PIEZO1: variants seen among roughly 807,000 people sequenced by gnomAD.
The protein encoded by PIEZO1 is piezo type mechanosensitive ion channel component 1 (Er blood group).
Under a neutral mutation model 297.2 loss-of-function variants are expected in PIEZO1, and 296 were observed. The observed-to-expected ratio is 1.00, with a 90% CI of 0.91 to 1.10. The LOEUF is 1.10. PIEZO1 is among the 50% of genes least tolerant of loss of function. The probability of loss-of-function intolerance (pLI) is 0.00; values close to 1 mark genes in which losing one functional copy is unlikely to be tolerated. For synonymous variants in PIEZO1, 2,427 were observed against 1,507.5 expected (o/e 1.61, Z -14.13); for missense variants, 5,018 against 3,455.5 (o/e 1.45, Z -11.34).
In PIEZO1 at chr16:88,726,310, G is replaced by A. The variant is rs1904426108; in HGVS notation, c.3942C>T (p.Leu1314=). 6.5e-7 allele frequency: 1 copy of A among 1,550,022 alleles called. No individual in the cohort carries two copies. The highest frequency in any genetic ancestry group is 2.4e-5 in the East Asian group (1 of 40,932). ...SHYYLHVRAD[L]QATALLASRG... ...TGGAGGCTAGCAGGGCGGTGGCCTG[G>A]AGGTCGGCCCTGACGTGCAGGTAGT... The change falls in exon 27 of 51, where the codon CTC becomes CTT. Residue 1314 remains leucine, a synonymous_variant. Transcript: ENST00000301015.
Position 88,726,928 on chromosome 16 carries a change from G to C in PIEZO1, c.3486C>G (p.Val1162=), listed in dbSNP as rs1339906805. The C allele has an allele frequency of 3.9e-6, 6 of 1,550,446 alleles. 1 individual carries two copies. In the East Asian group the frequency reaches 7.3e-5, roughly 19 times the overall value. The change falls in exon 25 of 51, where the codon GTC becomes GTG. Residue 1162 remains valine (V), a synonymous_variant. Coordinates refer to ENST00000301015, the MANE Select transcript of PIEZO1 (RefSeq NM_001142864.4). ...RSYLDMLKVA[V]FRYLFWLVLV... ...GCACCAGCCAGAACAGGTATCGGAAGACGGCCACCTTCAGCATGTCAAGGT... is the reference window on the plus strand; with the variant it reads ...GCACCAGCCAGAACAGGTATCGGAACACGGCCACCTTCAGCATGTCAAGGT...
chr16:88,724,914 G>A (rs575325065), intron 30 of PIEZO1, 95 bp downstream of exon 30: 10 of 789,610 alleles, frequency 1.3e-5, no homozygotes, highest in South Asian at 4.5e-5. Flanking sequence ...CCTGGGAGTC[G>A]GGGGAAGGGA....
In PIEZO1 at chr16:88,720,695, C is replaced by G. The variant is rs1310281929; in HGVS notation, c.5722G>C (p.Gly1908Arg). ...EGEEEKEAPTGREKRPSRSGG... is the reference protein window; with the variant it reads ...EGEEEKEAPTRREKRPSRSGG... ...GAGCGGCTTGGCCTCTTCTCTCTCC[C>G]CGTGGGGGCCTCTTTCTCTTCCTCC... is the stretch of plus-strand genomic sequence containing the variant. The change falls in exon 40 of 51, where the codon GGG becomes CGG. Residue 1908 changes from glycine to arginine, a missense_variant. Gly to Arg is a moderately radical substitution (Grantham distance 125). Transcript: ENST00000301015. 2 of 1,537,778 alleles carry G rather than the reference C, an allele frequency of 1.3e-6. No homozygotes were observed. The highest frequency in any genetic ancestry group is 1.8e-6 in the Non-Finnish European group (2 of 1,141,870).
intron 5 of PIEZO1, chr16:88,741,163 T>C (rs1905623606): frequency 4.5e-6 from 1 of 222,866 alleles, no homozygotes; most frequent in Non-Finnish European, 8.9e-6. Flanking sequence ...CCAGACCCAC[T>C]GCCCAGCACT....
chr16:88,721,341 T>TG lies in PIEZO1; in HGVS notation c.5492dup (p.Gly1832ArgfsTer34). On this transcript the variant is annotated frameshift_variant, in exon 39 of 51. Coordinates refer to ENST00000301015, the MANE Select transcript of PIEZO1 (RefSeq NM_001142864.4). LOFTEE classifies it high-confidence loss of function. ...CTTCGGTGGTGGCCGCAGGCACCCC[T>TG]GGCCCCTCCTCGGCTCCCTGCTCCT... The TG allele has an allele frequency of 6.5e-7, 1 of 1,548,176 alleles. No homozygotes were observed. Among genetic ancestry groups the TG allele is most frequent in the Non-Finnish European group, 8.7e-7 (1 of 1,146,886 alleles).
intron 22 of PIEZO1, among the ~76,000 whole-genome samples, chr16:88,730,552 T>C (rs908285048): frequency 6.9e-5 from 10 of 144,264 alleles, no homozygotes; most frequent in African/African-American, 1.8e-4. Flanking sequence ...GAGCCGAGAT[T>C]GTGCCAGTGT....
At chr16:88,749,561 C>G in intron 1 of PIEZO1, 82 bp from the exon 2 acceptor site, 5 of 1,045,948 alleles carry the variant, frequency 4.8e-6, no homozygotes, top group Non-Finnish European at 6.9e-6. Flanking sequence ...CACGGCCCAG[C>G]TCGTCACACC....
In PIEZO1 at chr16:88,716,690, G is replaced by A. The variant is rs758976094; in HGVS notation, c.6795C>T (p.Ile2265=). 1.7e-5 allele frequency: 26 copies of A among 1,548,750 alleles called. No individual in the cohort carries two copies. In the East Asian group the frequency reaches 2.9e-4, roughly 17 times the overall value. ...AGCTGCCCTCAATCTGCGCCGTGACGATGTCCTCAGGGCTGTACTGGCTGA... is the reference window on the plus strand; with the variant it reads ...AGCTGCCCTCAATCTGCGCCGTGACAATGTCCTCAGGGCTGTACTGGCTGA... ...QFISQYSPED[I]VTAQIEGSSG... is the part of the protein sequence containing the mutation. Residue 2265 remains isoleucine (I), a synonymous_variant, in exon 47 of 51, where the codon ATC becomes ATT. Transcript: ENST00000301015.
intron 1 of PIEZO1, among the ~76,000 whole-genome samples, chr16:88,771,750 ACT>A (rs1178607990): frequency 6.7e-6 from 1 of 149,794 alleles, no homozygotes; most frequent in Non-Finnish European, 1.5e-5. Flanking sequence ...CCCTCCTGAG[ACT>A]CTATGCCCGT....
chr16:88,742,458 G>T, intron 2 of PIEZO1, 36 bp from the exon 3 acceptor site: 1 of 1,529,106 alleles, frequency 6.5e-7, no homozygotes, highest in Non-Finnish European at 8.7e-7. Context: ...TGGTCCCGGG[G>T]ACGGGGAGGG....
At chr16:88,738,988 C>T (rs1247558602) in intron 5 of PIEZO1, 13 of 566,424 alleles carry the variant, frequency 2.3e-5, no homozygotes, top group South Asian at 2.1e-4. Context: ...GCCGAAGACC[C>T]AGGGTCTGTC....
At chr16:88,726,516 G>T (rs759185127) in intron 26 of PIEZO1, 31 bp downstream of exon 26, 1 of 1,546,008 alleles carries the variant, frequency 6.5e-7, no homozygotes, top group Non-Finnish European at 8.7e-7. Context: ...GCTTCCCCAC[G>T]CCCTCCCCCG....
intron 1 of PIEZO1, among the ~76,000 whole-genome samples, chr16:88,773,215 C>A (rs926941874): frequency 1.3e-5 from 2 of 152,262 alleles, no homozygotes; most frequent in Non-Finnish European, 2.9e-5. Flanking sequence ...TAACTCCCGG[C>A]GTCACGCCCA....
chr16:88,739,298 G>A (rs1905475968), intron 5 of PIEZO1: 1 of 153,096 alleles, frequency 6.5e-6, no homozygotes, highest in Non-Finnish European at 1.5e-5. Flanking sequence ...GGCCGGCCTG[G>A]GGCTGGGGAG....
In PIEZO1 at chr16:88,736,684, G is replaced by A. The variant is rs183684596; in HGVS notation, c.1251C>T (p.His417=). Residue 417 remains histidine (H), a synonymous_variant, in exon 11 of 51, where the codon CAC becomes CAT. Transcript: ENST00000301015. ...REASPLHSLG[H]LIMDQSYVCA... is the part of the protein sequence containing the mutation. Reference sequence around the variant, plus strand: ...ACACATAGCTCTGGTCCATGATGAGGTGGCCCAGGCTGTGGAGCGGAGACG... The same window carrying A: ...ACACATAGCTCTGGTCCATGATGAGATGGCCCAGGCTGTGGAGCGGAGACG... 1,606 of 1,533,158 alleles carry A rather than the reference G, an allele frequency of 1.0e-3. 2 individuals carry two copies. The highest frequency in any genetic ancestry group is 1.5e-3 in the Admixed American group (75 of 50,910). 95.0% of individuals were successfully genotyped at this position (1,533,158 alleles called of 1,614,324 possible).
chr16:88,721,493 G>A, intron 38 of PIEZO1, 45 bp downstream of exon 38: 2 of 1,539,078 alleles, frequency 1.3e-6, no homozygotes, highest in Non-Finnish European at 1.8e-6. Context: ...CAGGTGCCCA[G>A]AGGGCCTGCC....
At chr16:88,727,495 T>C (rs1361502350) in intron 23 of PIEZO1, 62 bp downstream of exon 23, 4 of 683,566 alleles carry the variant, frequency 5.9e-6, no homozygotes, top group East Asian at 2.8e-5. Flanking sequence ...GTGAGCAGAT[T>C]TGGGGGCGTG....
chr16:88,756,802 T>C (rs1055328497), intron 1 of PIEZO1, among the ~76,000 whole-genome samples: 22 of 145,968 alleles, frequency 1.5e-4, no homozygotes, highest in Admixed American at 1.4e-4. Context: ...ACAAGCCAGG[T>C]GCAGTGGCTC....
intron 5 of PIEZO1, chr16:88,739,722 A>G (rs1475861528): frequency 1.3e-5 from 2 of 152,508 alleles, no homozygotes; most frequent in Non-Finnish European, 1.5e-5. Context: ...CTCCGAGGCC[A>G]GGGTAACAGG....
Sources: gnomAD v4.1 joint callset for allele counts (sites outside exome capture counted in the v4.1 genomes callset) on GRCh38, gnomAD v4.1.1 for gene constraint, MANE v1.5 for transcripts, NCBI Gene and HGNC (gene_info 2026-07-23, HGNC 2026-07-21) for gene names.